The following GALNT13 variants were observed in gnomAD, a reference collection of about 807,000 sequenced individuals.
The protein encoded by GALNT13 is polypeptide N-acetylgalactosaminyltransferase 13.
Under a neutral mutation model 64.2 loss-of-function variants are expected in GALNT13, and 28 were observed. That is an observed-to-expected ratio of 0.44 (90% CI 0.32 to 0.60). The LOEUF (loss-of-function observed/expected upper bound fraction) is 0.60, where lower values mean the gene tolerates loss of function less well. Among genes scored for constraint, GALNT13 ranks in the 20% least tolerant of loss-of-function variants. The probability of loss-of-function intolerance (pLI) is 0.05; values close to 1 mark genes in which losing one functional copy is unlikely to be tolerated. For missense variants in GALNT13, 577 were observed against 669.8 expected (o/e 0.86, Z 1.53); for synonymous variants, 214 against 224.6 (o/e 0.95, Z 0.42).
At chr2:153,987,160 G>C (rs1296332591) in intron 3 of GALNT13, among the ~76,000 whole-genome samples, 1 of 151,924 alleles carries the variant, frequency 6.6e-6, no homozygotes, top group Non-Finnish European at 1.5e-5. Context: ...TAAAGGAGTA[G>C]GAAGAATCAG....
chr2:153,789,013 A>G, the GALNT13 span, among the ~76,000 whole-genome samples: 1 of 152,162 alleles, frequency 6.6e-6, no homozygotes, highest in Non-Finnish European at 1.5e-5. Context: ...AGACTTTAAC[A>G]CCCCACTGAC....
chr2:154,421,240 C>T (rs1700236170), intron 11 of GALNT13, among the ~76,000 whole-genome samples: 3 of 151,894 alleles, frequency 2.0e-5, no homozygotes, highest in African/African-American at 4.8e-5. Context: ...ATTTTATATT[C>T]TGTATAAGAT....
At chr2:154,047,212 T>C (rs1699336932) in intron 3 of GALNT13, among the ~76,000 whole-genome samples, 1 of 152,170 alleles carries the variant, frequency 6.6e-6, no homozygotes, top group South Asian at 2.1e-4. Context: ...TTTGAATACA[T>C]TTGCTAAAGC....
intron 9 of GALNT13, among the ~76,000 whole-genome samples, chr2:154,350,272 TC>T (rs1696318990): frequency 6.6e-6 from 1 of 152,168 alleles, no homozygotes; most frequent in African/African-American, 2.4e-5. Flanking sequence ...GGCAGACCCA[TC>T]CTCAATATGA....
intron 8 of GALNT13, among the ~76,000 whole-genome samples, chr2:154,259,628 G>A (rs567305045): frequency 1.6e-4 from 24 of 152,174 alleles, no homozygotes; most frequent in African/African-American, 5.3e-4. Context: ...TTTGAATAAA[G>A]CAACTTCATT....
the GALNT13 span, among the ~76,000 whole-genome samples, chr2:153,108,941 T>C: frequency 6.6e-6 from 1 of 152,166 alleles, no homozygotes; most frequent in Non-Finnish European, 1.5e-5. Context: ...CAATTACAAA[T>C]GTATTTACAG....
chr2:153,868,834 C>G (rs1468598165), upstream of GALNT13, among the ~76,000 whole-genome samples: 1 of 152,154 alleles, frequency 6.6e-6, no homozygotes, highest in African/African-American at 2.4e-5. Context: ...CAAATACTTG[C>G]AATAGCTCCA....
chr2:154,305,005 C>A (rs1302032224), intron 9 of GALNT13, among the ~76,000 whole-genome samples: 1 of 152,098 alleles, frequency 6.6e-6, no homozygotes, highest in Non-Finnish European at 1.5e-5. Flanking sequence ...TTGCTTCTCC[C>A]TGAAAAAGGA....
At chr2:154,072,637 A>G (rs1243372641) in intron 3 of GALNT13, among the ~76,000 whole-genome samples, 2 of 151,486 alleles carry the variant, frequency 1.3e-5, no homozygotes, top group African/African-American at 4.9e-5. Flanking sequence ...GTTTTGAAAA[A>G]CCCCTAGGAC....
chr2:153,909,975 A>AT (rs1301507938), intron 2 of GALNT13, among the ~76,000 whole-genome samples: 1 of 151,226 alleles, frequency 6.6e-6, no homozygotes, highest in Admixed American at 6.6e-5. Flanking sequence ...CCTCTTCCTC[A>AT]TTTTTTTGGA....
chr2:154,069,595 A>C (rs1027705330), intron 3 of GALNT13, among the ~76,000 whole-genome samples: 1 of 151,990 alleles, frequency 6.6e-6, no homozygotes, highest in Non-Finnish European at 1.5e-5. Context: ...TTTAATATTT[A>C]TATGAAATTC....
chr2:153,078,067 A>G, the GALNT13 span, among the ~76,000 whole-genome samples: 2 of 151,756 alleles, frequency 1.3e-5, no homozygotes, highest in Admixed American at 1.3e-4. Flanking sequence ...CTGGTTTCTC[A>G]CTTTCCTTCT....
At chr2:153,073,698 A>G in the GALNT13 span, among the ~76,000 whole-genome samples, 8 of 152,294 alleles carry the variant, frequency 5.3e-5, 1 homozygote, top group South Asian at 1.2e-3. Flanking sequence ...AAAGTTAACA[A>G]TAATTCCTTA....
At chr2:153,752,840 G>C in the GALNT13 span, among the ~76,000 whole-genome samples, 1 of 152,014 alleles carries the variant, frequency 6.6e-6, no homozygotes, top group Admixed American at 6.6e-5. Context: ...CTTTGTACCT[G>C]TATCTCTTTC....
intron 3 of GALNT13, among the ~76,000 whole-genome samples, chr2:154,072,264 C>T (rs1037516996): frequency 1.3e-5 from 2 of 152,042 alleles, no homozygotes; most frequent in Admixed American, 6.6e-5. Flanking sequence ...TCCTTCTGGA[C>T]TAGTGCTACA....
chr2:154,187,185 C>T (rs921048527), intron 4 of GALNT13, among the ~76,000 whole-genome samples: 1 of 151,950 alleles, frequency 6.6e-6, no homozygotes. Flanking sequence ...AGCTCTTCAA[C>T]CTGGTGCTTT....
the GALNT13 span, among the ~76,000 whole-genome samples, chr2:153,196,552 G>T: frequency 1.3e-5 from 2 of 152,110 alleles, no homozygotes; most frequent in Non-Finnish European, 2.9e-5. Flanking sequence ...CCCCGAGAGT[G>T]CAGAGTGCAG....
intron 3 of GALNT13, among the ~76,000 whole-genome samples, chr2:154,055,605 C>G (rs1349955808): frequency 6.6e-6 from 1 of 151,770 alleles, no homozygotes; most frequent in Non-Finnish European, 1.5e-5. Context: ...GGGAGAAAGC[C>G]CTGTGGATAG....
chr2:153,510,761 A>AG, the GALNT13 span, among the ~76,000 whole-genome samples: 86,690 of 151,762 alleles, frequency 0.57, 27,245 homozygotes, highest in African/African-American at 0.82. Flanking sequence ...GTGGTCTAAA[A>AG]TAGGAGGGAT....
Sources: allele counts gnomAD v4.1 joint callset (sites outside exome capture counted in the v4.1 genomes callset), GRCh38; gene constraint gnomAD v4.1.1; transcripts MANE v1.5; gene names NCBI Gene and HGNC (gene_info 2026-07-23, HGNC 2026-07-21).